Variants in CNTNAP2 observed in about 807,000 individuals in gnomAD.
The protein encoded by CNTNAP2 is contactin-associated protein-like 2.
Under a neutral mutation model 155.2 loss-of-function variants are expected in CNTNAP2, and 98 were observed. The ratio of observed to expected loss-of-function variants is 0.63; its 90% CI spans 0.54 to 0.75. The LOEUF is 0.75. CNTNAP2 is among the 30% of genes least tolerant of loss of function. The probability of loss-of-function intolerance (pLI) is 0.00; values close to 1 mark genes in which losing one functional copy is unlikely to be tolerated. For synonymous variants in CNTNAP2, 651 were observed against 631.2 expected (o/e 1.03, Z -0.47); for missense variants, 1,727 against 1,688.1 (o/e 1.02, Z -0.40).
chr7:147,732,553 G>A (rs1364286437), intron 13 of CNTNAP2, among the ~76,000 whole-genome samples: 2 of 152,148 alleles, frequency 1.3e-5, no homozygotes, highest in Admixed American at 6.5e-5. Flanking sequence ...TATATACCCA[G>A]TAATGGGATG....
chr7:148,308,600 A>G (rs954538341), intron 21 of CNTNAP2, among the ~76,000 whole-genome samples: 5 of 151,086 alleles, frequency 3.3e-5, no homozygotes, highest in Non-Finnish European at 7.4e-5. Context: ...TTATACTTTA[A>G]GTTCTGGGGT....
At chr7:147,577,339 T>C (rs575576713) in intron 12 of CNTNAP2, among the ~76,000 whole-genome samples, 61 of 152,084 alleles carry the variant, frequency 4.0e-4, no homozygotes, top group Non-Finnish European at 7.5e-4. Flanking sequence ...TGTTCTCCAG[T>C]AGATAGAAGA....
At chr7:147,721,760 A>C (rs115788761) in intron 13 of CNTNAP2, among the ~76,000 whole-genome samples, 2,902 of 152,196 alleles carry the variant, frequency 0.019, 95 homozygotes, top group African/African-American at 0.066. Flanking sequence ...ATTAAAATAA[A>C]TGCTCATAGT....
chr7:146,690,954 T>C (rs1800688585), intron 1 of CNTNAP2, among the ~76,000 whole-genome samples: 1 of 152,146 alleles, frequency 6.6e-6, no homozygotes, highest in Non-Finnish European at 1.5e-5. Flanking sequence ...AAAGTGAATG[T>C]GCAGTCACAC....
At chr7:146,723,585 A>C (rs959987100) in intron 1 of CNTNAP2, among the ~76,000 whole-genome samples, 1 of 152,204 alleles carries the variant, frequency 6.6e-6, no homozygotes, top group Admixed American at 6.5e-5. Context: ...TACAAATGAG[A>C]ATTATTGTTA....
intron 3 of CNTNAP2, among the ~76,000 whole-genome samples, chr7:146,991,078 T>C (rs1798200214): frequency 6.6e-6 from 1 of 151,862 alleles, no homozygotes; most frequent in African/African-American, 2.4e-5. Flanking sequence ...ATAACACACA[T>C]AAATAAGGTT....
intron 1 of CNTNAP2, among the ~76,000 whole-genome samples, chr7:146,138,601 T>C (rs11767161): frequency 0.43 from 65,028 of 151,904 alleles, 16,005 homozygotes; most frequent in East Asian, 0.63. Flanking sequence ...CCATTTCAGT[T>C]TGACTAATCA....
intron 12 of CNTNAP2, among the ~76,000 whole-genome samples, chr7:147,593,729 A>G (rs1468086194): frequency 2.0e-5 from 3 of 152,202 alleles, no homozygotes; most frequent in Admixed American, 6.5e-5. Context: ...GCATTCTGGG[A>G]GACAAGATTT....
intron 3 of CNTNAP2, among the ~76,000 whole-genome samples, chr7:146,892,200 G>T (rs2129211687): frequency 6.6e-6 from 1 of 152,274 alleles, no homozygotes; most frequent in East Asian, 1.9e-4. Flanking sequence ...GCTGTTATCA[G>T]CTGAGAGCTC....
At chr7:146,443,977 C>T (rs145756232) in intron 1 of CNTNAP2, among the ~76,000 whole-genome samples, 269 of 152,218 alleles carry the variant, frequency 1.8e-3, no homozygotes, top group African/African-American at 6.4e-3. Context: ...TAATCCATAT[C>T]CCATTTTCTC....
intron 16 of CNTNAP2, among the ~76,000 whole-genome samples, chr7:148,127,947 A>G (rs1444413174): frequency 6.6e-6 from 1 of 152,094 alleles, no homozygotes; most frequent in Non-Finnish European, 1.5e-5. Flanking sequence ...TTGGCTCACC[A>G]TAACCTCCAC....
intron 13 of CNTNAP2, chr7:147,831,902 G>A (rs1250984724): frequency 1.3e-5 from 2 of 151,882 alleles, no homozygotes; most frequent in East Asian, 3.9e-4. Flanking sequence ...AAATGCTTCA[G>A]GGGATTGACA....
intron 1 of CNTNAP2, among the ~76,000 whole-genome samples, chr7:146,434,968 G>A (rs749022892): frequency 1.5e-4 from 23 of 152,152 alleles, no homozygotes; most frequent in Middle Eastern, 3.4e-3. Flanking sequence ...AAACTTCAAT[G>A]CAAACTTTTC....
intron 13 of CNTNAP2, among the ~76,000 whole-genome samples, chr7:147,683,694 G>A (rs1795980068): frequency 6.7e-6 from 1 of 150,226 alleles, no homozygotes; most frequent in African/African-American, 2.4e-5. Flanking sequence ...ATATTAAAAG[G>A]GAAGAATTCT....
At chr7:146,577,492 C>A (rs986952727) in intron 1 of CNTNAP2, among the ~76,000 whole-genome samples, 3 of 152,038 alleles carry the variant, frequency 2.0e-5, no homozygotes, top group African/African-American at 7.2e-5. Flanking sequence ...TAGATTTAAA[C>A]AAGCTATCAC....
chr7:147,629,472 A>G (rs1795046256), intron 12 of CNTNAP2, among the ~76,000 whole-genome samples: 1 of 150,912 alleles, frequency 6.6e-6, no homozygotes, highest in African/African-American at 2.4e-5. Context: ...ACTCTAGAAC[A>G]AATGGATTTA....
intron 1 of CNTNAP2, among the ~76,000 whole-genome samples, chr7:146,443,425 A>G (rs898181531): frequency 6.6e-6 from 1 of 151,940 alleles, no homozygotes; most frequent in South Asian, 2.1e-4. Flanking sequence ...TTTCATTCAT[A>G]CCACTATGCT....
At chr7:147,941,477 C>CA (rs1030774297) in intron 14 of CNTNAP2, among the ~76,000 whole-genome samples, 1 of 152,096 alleles carries the variant, frequency 6.6e-6, no homozygotes, top group Non-Finnish European at 1.5e-5. Context: ...AGAGCACTCA[C>CA]AAAAAAAGTT....
intron 3 of CNTNAP2, among the ~76,000 whole-genome samples, chr7:146,905,189 T>A (rs1796093407): frequency 1.3e-5 from 2 of 151,222 alleles, no homozygotes; most frequent in African/African-American, 4.9e-5. Flanking sequence ...TATCAAAAGT[T>A]CCCTGGAGTC....
Sources: allele counts gnomAD v4.1 joint callset (sites outside exome capture counted in the v4.1 genomes callset), GRCh38; gene constraint gnomAD v4.1.1; transcripts MANE v1.5; gene names NCBI Gene and HGNC (gene_info 2026-07-23, HGNC 2026-07-21).